HTRA2: variants seen among roughly 807,000 people sequenced by gnomAD.
HTRA2 encodes serine protease HTRA2, mitochondrial.
HTRA2 carries 24 observed loss-of-function variants against 42.2 expected under a neutral mutation model. The ratio of observed to expected loss-of-function variants is 0.57; its 90% CI spans 0.41 to 0.80. The LOEUF is 0.80. Among genes scored for constraint, HTRA2 ranks in the 30% least tolerant of loss-of-function variants. The probability of loss-of-function intolerance (pLI) is 0.00; values close to 1 mark genes in which losing one functional copy is unlikely to be tolerated. For synonymous variants in HTRA2, 245 were observed against 255.8 expected, an observed-to-expected ratio of 0.96 and a Z score of 0.40; for missense variants, 466 against 613.5, an observed-to-expected ratio of 0.76 and a Z score of 2.54.
In HTRA2 at chr2:74,531,713, C is replaced by T; in HGVS notation, c.1045+11C>T. 6.2e-7 allele frequency: 1 copy of T among 1,613,826 alleles called. No homozygotes were observed. The highest frequency in any genetic ancestry group is 8.5e-7 in the Non-Finnish European group (1 of 1,180,020). ...GTGGGGAAAAGAAGAGTGAGCCTGC[C>T]TTATGGGGAAACGGGTTCCTTTAAT... On this transcript the variant is annotated intron_variant, in intron 5 of 7. Coordinates refer to ENST00000258080, the MANE Select transcript of HTRA2 (RefSeq NM_013247.5).
chr2:74,530,986 C>A lies in HTRA2; in HGVS notation c.787C>A (p.Pro263Thr), dbSNP rs1285186304. The A allele has an allele frequency of 6.2e-7, 1 of 1,614,214 alleles. No homozygotes were observed. Among genetic ancestry groups the A allele is most frequent in the South Asian group, 1.1e-5 (1 of 91,086 alleles). ...GGAGTTTGTTGTTGCCATGGGAAGT[C>A]CCTTTGCACTGCAGAACACGATCAC... ...QGEFVVAMGS[P>T]FALQNTITSG... The change falls in exon 3 of 8, where the codon CCC (proline) becomes ACC (threonine). Residue 263 changes from proline (P) to threonine (T), a missense_variant. By Grantham distance (38) the Pro-to-Thr change is conservative. Coordinates refer to ENST00000258080, the MANE Select transcript of HTRA2 (RefSeq NM_013247.5). This position sits in a 1 kb window ranked among gnomAD's most constrained non-coding sequence, Gnocchi z 7.4.
At chr2:74,529,921 G>C (rs886056344), upstream of HTRA2, 79 of 1,478,058 alleles carry the variant, frequency 5.3e-5, no homozygotes, top group Non-Finnish European at 6.9e-5. Context: ...AGGTACCGGC[G>C]TGCCCCGCGT....
In HTRA2 at chr2:74,533,167, A is replaced by G. The variant is rs755820795; in HGVS notation, c.*182A>G. 1 of 613,654 alleles carries G rather than the reference A, an allele frequency of 1.6e-6. No individual in the cohort carries two copies. The highest frequency in any genetic ancestry group is 2.0e-5 in the South Asian group (1 of 50,266). 38.0% of individuals were successfully genotyped at this position (613,654 alleles called of 1,614,324 possible). A position where few individuals can be genotyped will look rare whatever the true frequency, so the allele number is the denominator to read the frequency against. ...CACTTTTTATATAAAATAAAATTAT[A>G]CCTAGCAACATATTATAGTAAAAAA... On this transcript the variant is annotated 3_prime_UTR_variant, in exon 8 of 8. Transcript: ENST00000258080.
Position 74,530,708 on chromosome 2 carries a change from G to A in HTRA2, c.598G>A (p.Val200Met). The change falls in exon 2 of 8, where the codon GTG becomes ATG. Residue 200 changes from valine to methionine, a missense_variant. By Grantham distance (21) the Val-to-Met change is conservative. Coordinates refer to ENST00000258080, the MANE Select transcript of HTRA2 (RefSeq NM_013247.5). The surrounding 1 kb of genome is among the most constrained non-coding windows in gnomAD (Gnocchi z 7.4). The stretch of plus-strand genomic sequence containing the variant: ...GCTCATTGTCACCAACGCCCATGTG[G>A]TGGCTGATCGGCGCAGAGTCCGTGT... ...DGLIVTNAHV[V>M]ADRRRVRVRL... 1 of 1,614,196 alleles carries A rather than the reference G, an allele frequency of 6.2e-7. No homozygotes were observed. The highest frequency in any genetic ancestry group is 1.3e-5 in the African/African-American group (1 of 75,042).
Position 74,530,151 on chromosome 2 carries a change from C to A in HTRA2, c.145C>A (p.Arg49=), listed in dbSNP as rs1675478218. ...GTCAGGAACTTCTGACCCCCGGGCC[C>A]GAGTGACTTATGGGACCCCCAGTCT... ...LTSGTSDPRA[R]VTYGTPSLWA... is the part of the protein sequence containing the mutation. Residue 49 remains arginine, a synonymous_variant, in exon 1 of 8, where the codon CGA becomes AGA. Transcript: ENST00000258080. The surrounding 1 kb of genome is among the most constrained non-coding windows in gnomAD (Gnocchi z 7.4). 1 of 1,612,190 alleles carries A rather than the reference C, an allele frequency of 6.2e-7. No homozygotes were observed. The highest frequency in any genetic ancestry group is 8.5e-7 in the Non-Finnish European group (1 of 1,179,376).
rs1235411624 is a variant in HTRA2 at position 74,530,157 on chromosome 2, A to T, written c.151A>T (p.Thr51Ser). 1.2e-6 allele frequency: 2 copies of T among 1,612,198 alleles called. No homozygotes were observed. The highest frequency in any genetic ancestry group is 2.7e-5 in the African/African-American group (2 of 74,876). ...AACTTCTGACCCCCGGGCCCGAGTG[A>T]CTTATGGGACCCCCAGTCTCTGGGC... is the stretch of plus-strand genomic sequence containing the variant. ...SGTSDPRARV[T>S]YGTPSLWARL... is the part of the protein sequence containing the mutation. Residue 51 changes from threonine to serine, a missense_variant, in exon 1 of 8, where the codon ACT becomes TCT. Thr to Ser is a moderately conservative substitution (Grantham distance 58). Transcript: ENST00000258080. The surrounding 1 kb of genome is among the most constrained non-coding windows in gnomAD (Gnocchi z 7.4).
chr2:74,533,367 C>A, downstream of HTRA2: 1 of 550,938 alleles, frequency 1.8e-6, no homozygotes. Flanking sequence ...GTGTGGTGGG[C>A]TCTGGTCTGT....
rs778136970 is a variant in HTRA2 at position 74,532,935 on chromosome 2, C to T, written c.1327C>T (p.Arg443Trp). ...TQSQLAVQIR[R>W]GRETLTLYVT... Reference sequence around the variant, plus strand: ...ATCCCAGTTGGCAGTGCAGATCCGGCGGGGACGAGAAACACTGACCTTATA... The same window carrying T: ...ATCCCAGTTGGCAGTGCAGATCCGGTGGGGACGAGAAACACTGACCTTATA... Residue 443 changes from arginine (R) to tryptophan (W), a missense_variant, in exon 8 of 8, where the codon CGG becomes TGG. By Grantham distance (101) the Arg-to-Trp change is moderately radical. Transcript: ENST00000258080. 6 of 1,613,764 alleles carry T rather than the reference C, an allele frequency of 3.7e-6. No individual in the cohort carries two copies. The highest frequency in any genetic ancestry group is 1.3e-5 in the African/African-American group (1 of 74,864).
chr2:74,530,386 G>T lies in HTRA2; in HGVS notation c.380G>T (p.Gly127Val). 6.3e-7 allele frequency: 1 copy of T among 1,592,646 alleles called. No homozygotes were observed. The change falls in exon 1 of 8, where the codon GGT becomes GTT. Residue 127 changes from glycine to valine, a missense_variant. Physicochemically the swap from Gly to Val is moderately radical, Grantham distance 109. This residue lies in a region of HTRA2 where 222 missense variants were observed against 205.1 expected (regional missense o/e 1.08). Coordinates refer to ENST00000258080, the MANE Select transcript of HTRA2 (RefSeq NM_013247.5). The surrounding 1 kb of genome is among the most constrained non-coding windows in gnomAD (Gnocchi z 7.4). The part of the protein sequence containing the change: ...VLLLLWGGGR[G>V]PPAVLAAVPS... ...TTGTTGTTGTGGGGCGGGGGTCGGG[G>T]TCCTCCGGCCGTCCTCGCCGCCGTC...
chr2:74,533,326 G>A, downstream of HTRA2: 1 of 532,202 alleles, frequency 1.9e-6, no homozygotes, highest in South Asian at 2.3e-5. Context: ...GCCATCTTTT[G>A]TGGGCAGTTA....
At chr2:74,531,547 A>T (rs758822308) in intron 4 of HTRA2, 50 bp from the exon 5 acceptor site, 1 of 1,613,558 alleles carries the variant, frequency 6.2e-7, no homozygotes, top group Admixed American at 1.7e-5. Flanking sequence ...GGGTGCCCCC[A>T]TCCCCTACTA....
Position 74,530,518 on chromosome 2 carries a change from G to C in HTRA2, c.506+6G>C, listed in dbSNP as rs748751621. 6 of 1,612,808 alleles carry C rather than the reference G, an allele frequency of 3.7e-6. No individual in the cohort carries two copies. The South Asian group carries it at 4.4e-5, about 12-fold the overall frequency. On this transcript the variant is annotated splice_donor_region_variant and intron_variant, in intron 1 of 7. Coordinates refer to ENST00000258080, the MANE Select transcript of HTRA2 (RefSeq NM_013247.5). This position sits in a 1 kb window ranked among gnomAD's most constrained non-coding sequence, Gnocchi z 7.4. ...TATATCGAGATCCTGGACCGGTAAT[G>C]GTGGGGGTAGACCGGGAGGCACTGA...
At chr2:74,531,460 A>G (rs1043056207) in intron 4 of HTRA2, 89 bp downstream of exon 4, 66 of 1,606,558 alleles carry the variant, frequency 4.1e-5, no homozygotes, top group Non-Finnish European at 5.5e-5. Context: ...TGTTTGGTCA[A>G]GTTTCTGAGC....
upstream of HTRA2, chr2:74,529,633 T>G (rs749197575): frequency 4.5e-6 from 7 of 1,564,104 alleles, no homozygotes; most frequent in East Asian, 1.6e-4. Context: ...GCTCCATAAC[T>G]GCTGCTTCAG....
chr2:74,532,010 T>C, intron 6 of HTRA2, 85 bp downstream of exon 6: 1 of 1,259,308 alleles, frequency 7.9e-7, no homozygotes, highest in Non-Finnish European at 1.2e-6. Context: ...CTCATTTCTG[T>C]CTTTATCTAA....
At chr2:74,533,548 G>A (rs1408965651), downstream of HTRA2, 1 of 1,506,538 alleles carries the variant, frequency 6.6e-7, no homozygotes, top group African/African-American at 1.4e-5. Context: ...CTGAGGTAAT[G>A]GCAGCCTCAG....
chr2:74,529,601 T>TCCGGCC (rs1675419457), upstream of HTRA2: 1 of 1,568,484 alleles, frequency 6.4e-7, no homozygotes, highest in African/African-American at 1.4e-5. Flanking sequence ...AAAGAGCCGC[T>TCCGGCC]CCGGCCCCGG....
In HTRA2 at chr2:74,530,431, C is replaced by T. The variant is rs1675505047; in HGVS notation, c.425C>T (p.Ser142Phe). 6.2e-7 allele frequency: 1 copy of T among 1,604,598 alleles called. No homozygotes were observed. The highest frequency in any genetic ancestry group is 8.5e-7 in the Non-Finnish European group (1 of 1,179,252). ...LAAVPSPPPA[S>F]PRSQYNFIAD... ...GCCGTCCCTAGCCCGCCGCCCGCTT[C>T]TCCCCGGAGTCAGTACAACTTCATC... The change falls in exon 1 of 8, where the codon TCT becomes TTT. Residue 142 changes from serine to phenylalanine, a missense_variant. Ser to Phe is a radical substitution (Grantham distance 155, BLOSUM62 -2). This residue lies in a region of HTRA2 where 222 missense variants were observed against 205.1 expected (regional missense o/e 1.08). Transcript: ENST00000258080. This position sits in a 1 kb window ranked among gnomAD's most constrained non-coding sequence, Gnocchi z 7.4.
intron 4 of HTRA2, 42 bp from the exon 5 acceptor site, chr2:74,531,555 C>T: frequency 6.2e-7 from 1 of 1,613,920 alleles, no homozygotes; most frequent in Non-Finnish European, 8.5e-7. Context: ...CCATCCCCTA[C>T]TATTTGTTTA....
Sources: allele counts gnomAD v4.1 joint callset, GRCh38; gene constraint gnomAD v4.1.1; regional missense constraint gnomAD v4.1.1; non-coding constraint Gnocchi (gnomAD v3.1); transcripts MANE v1.5; gene names NCBI Gene and HGNC (gene_info 2026-07-23, HGNC 2026-07-21).